Variants in SNU13 observed in about 807,000 individuals in gnomAD.
SNU13 encodes small nuclear ribonucleoprotein 13.
SNU13 carries 2 observed loss-of-function variants against 12.4 expected under a neutral mutation model. That is an observed-to-expected ratio of 0.16 (90% confidence interval 0.07 to 0.51). The LOEUF (loss-of-function observed/expected upper bound fraction) is 0.51, where lower values mean the gene tolerates loss of function less well. Ranked by LOEUF, SNU13 falls within the 20% of genes least tolerant of loss-of-function variation. The pLI, the probability that SNU13 is intolerant of heterozygous loss-of-function variation, is 0.96. For synonymous variants in SNU13, 68 were observed against 66.5 expected (o/e 1.02, Z -0.11); for missense variants, 66 against 157.8 (o/e 0.42, Z 3.12).
chr22:41,682,509 G>A (rs559115526), intron 1 of SNU13: 3 of 1,544,642 alleles, frequency 1.9e-6, no homozygotes, highest in Non-Finnish European at 2.6e-6. Flanking sequence ...GTGACGTCCA[G>A]GGCCAGCCCG....
intron 1 of SNU13, chr22:41,688,321 TCTC>T (rs933977325): frequency 6.5e-6 from 1 of 154,106 alleles, no homozygotes; most frequent in African/African-American, 2.4e-5. Context: ...CCATGGGAGA[TCTC>T]CTCCTGAACC....
At chr22:41,682,681 C>T (rs930370672) in intron 1 of SNU13, 7 of 726,062 alleles carry the variant, frequency 9.6e-6, no homozygotes, top group Non-Finnish European at 1.4e-5. Flanking sequence ...TTCTCTTCCT[C>T]ATACATTTAT....
Position 41,674,819 on chromosome 22 carries a change from ACT to A in SNU13, c.*112_*113del. The A allele has an allele frequency of 7.2e-7, 1 of 1,393,314 alleles. No individual in the cohort carries two copies. Among genetic ancestry groups the A allele is most frequent in the Non-Finnish European group, 9.7e-7 (1 of 1,026,600 alleles). The allele number at this position is 1,393,314 out of a possible 1,614,324, so 86.3% of individuals were successfully genotyped here. On this transcript the variant is annotated 3_prime_UTR_variant, in exon 3 of 3. Transcript: ENST00000401959. ...CAAAAATCCAGAAACCAGATTTAGT[ACT>A]ACATTTTATAACAATAGAGAGTAGC...
At chr22:41,680,196 A>C in intron 2 of SNU13, 48 bp downstream of exon 2, 7 of 1,571,334 alleles carry the variant, frequency 4.5e-6, no homozygotes, top group Non-Finnish European at 6.1e-6. Flanking sequence ...CCCCAGATGG[A>C]AACAGGTGCC....
chr22:41,688,846 T>C lies in SNU13; in HGVS notation c.-50A>G. 1 of 1,557,192 alleles carries C rather than the reference T, an allele frequency of 6.4e-7. No homozygotes were observed. Among genetic ancestry groups the C allele is most frequent in the Non-Finnish European group, 8.8e-7 (1 of 1,142,174 alleles). Reference sequence around the variant, plus strand: ...CTCCTAGGGGAGCGCAGCTGACGTTTCAGAAGCACTCGCGTGCACCGGAAA... The same window carrying C: ...CTCCTAGGGGAGCGCAGCTGACGTTCCAGAAGCACTCGCGTGCACCGGAAA... On this transcript the variant is annotated 5_prime_UTR_variant, in exon 1 of 3. Transcript: ENST00000401959.
intron 1 of SNU13, among the ~76,000 whole-genome samples, chr22:41,682,988 C>T (rs1041861569): frequency 6.6e-6 from 1 of 151,954 alleles, no homozygotes; most frequent in Non-Finnish European, 1.5e-5. Flanking sequence ...GTCTCCTTCA[C>T]ATGTTACCTA....
intron 2 of SNU13, among the ~76,000 whole-genome samples, chr22:41,678,176 C>T (rs968374045): frequency 1.1e-4 from 16 of 151,956 alleles, no homozygotes; most frequent in Admixed American, 3.9e-4. Context: ...GAGGTTTCAC[C>T]GTGTTAGCCA....
chr22:41,688,432 GA>G (rs951912814), intron 1 of SNU13: 600 of 236,434 alleles, frequency 2.5e-3, no homozygotes, highest in Middle Eastern at 5.1e-3. Flanking sequence ...AAGAAACAAG[GA>G]AAAAAAAAAG....
chr22:41,688,924 A>T (rs916373705), upstream of SNU13: 11 of 1,441,416 alleles, frequency 7.6e-6, no homozygotes, highest in Middle Eastern at 2.3e-4. Flanking sequence ...AGCGAAGGTG[A>T]CGCTACGCGA....
intron 1 of SNU13, chr22:41,682,424 C>G: frequency 1.2e-6 from 2 of 1,612,660 alleles, no homozygotes; most frequent in South Asian, 1.1e-5. Flanking sequence ...TTTGGACGGT[C>G]TGCTGCCCAG....
chr22:41,683,458 C>T (rs1269278927), intron 1 of SNU13, among the ~76,000 whole-genome samples: 2 of 151,982 alleles, frequency 1.3e-5, no homozygotes, highest in Non-Finnish European at 1.5e-5. Context: ...CCAGGCTGGT[C>T]GTGAACTCCT....
chr22:41,676,238 C>T (rs187161672), intron 2 of SNU13, among the ~76,000 whole-genome samples: 13 of 152,234 alleles, frequency 8.5e-5, no homozygotes, highest in South Asian at 6.2e-4. Flanking sequence ...ATCCCACATG[C>T]GACTCACCAT....
chr22:41,690,225 T>C (rs947908841), upstream of SNU13, among the ~76,000 whole-genome samples: 1 of 152,178 alleles, frequency 6.6e-6, no homozygotes, highest in African/African-American at 2.4e-5. Flanking sequence ...AGAATACATG[T>C]ATTCAATACA....
chr22:41,690,457 A>T (rs191250301), upstream of SNU13: 1 of 725,122 alleles, frequency 1.4e-6, no homozygotes, highest in East Asian at 2.7e-5. Flanking sequence ...CATGCTAACC[A>T]GGCCTGGCAC....
chr22:41,675,400 G>A (rs1406355219), intron 2 of SNU13, among the ~76,000 whole-genome samples: 3 of 151,832 alleles, frequency 2.0e-5, no homozygotes, highest in Admixed American at 1.3e-4. Context: ...CTCAAAACAC[G>A]TCCTGAATCT....
intron 2 of SNU13, among the ~76,000 whole-genome samples, chr22:41,678,674 G>A (rs2068235354): frequency 6.6e-6 from 1 of 152,166 alleles, no homozygotes; most frequent in Non-Finnish European, 1.5e-5. Context: ...AGTGCATCAA[G>A]TGAGAAGAGA....
intron 1 of SNU13, 68 bp downstream of exon 1, chr22:41,688,726 C>T: frequency 6.4e-7 from 1 of 1,550,994 alleles, no homozygotes; most frequent in Non-Finnish European, 8.8e-7. Flanking sequence ...CTCCATCTAA[C>T]AGGCTAGGGA....
At chr22:41,684,083 T>G (rs2147139676) in intron 1 of SNU13, among the ~76,000 whole-genome samples, 1 of 152,230 alleles carries the variant, frequency 6.6e-6, no homozygotes, top group Non-Finnish European at 1.5e-5. Flanking sequence ...TTTGTATTTT[T>G]TAGTAGAGAC....
chr22:41,680,354 TC>T lies in SNU13; in HGVS notation c.13del (p.Asp5MetfsTer2), dbSNP rs762456189. On this transcript the variant is annotated frameshift_variant, in exon 2 of 3. Transcript: ENST00000401959. LOFTEE classifies it high-confidence loss of function. ...AAGGGGATAGGCCTTTGGATTCACA[TC>T]AGCCTCAGTCTATGGGGGGGACATA... Reference protein sequence around the residue: MTEADVNPKAYPLAD... With the variant: MTEAXVNPKAYPLAD... 6.2e-7 allele frequency: 1 copy of T among 1,613,306 alleles called. No homozygotes were observed. Among genetic ancestry groups the T allele is most frequent in the Non-Finnish European group, 8.5e-7 (1 of 1,179,736 alleles).
Sources: gnomAD v4.1 joint callset for allele counts (sites outside exome capture counted in the v4.1 genomes callset) on GRCh38, gnomAD v4.1.1 for gene constraint, MANE v1.5 for transcripts, NCBI Gene and HGNC (gene_info 2026-07-23, HGNC 2026-07-21) for gene names.